WWC2: variants seen among roughly 807,000 people sequenced by gnomAD.
WWC2 encodes WW and C2 domain containing 2.
In WWC2, 101 loss-of-function variants were observed where a neutral mutation model predicts 138.5. The ratio of observed to expected loss-of-function variants is 0.73; its 90% CI spans 0.62 to 0.86. WWC2 has a LOEUF of 0.86. Ranked by LOEUF, WWC2 falls within the 40% of genes least tolerant of loss-of-function variation. The pLI is 0.00. For missense variants in WWC2, 1,420 were observed against 1,419.4 expected (o/e 1.00, Z -0.01); for synonymous variants, 558 against 538.4 (o/e 1.04, Z -0.50).
At chr4:183,112,338 G>A (rs1358104176) in intron 1 of WWC2, among the ~76,000 whole-genome samples, 2 of 152,230 alleles carry the variant, frequency 1.3e-5, no homozygotes, top group African/African-American at 4.8e-5. Context: ...AGTTATTTGA[G>A]AATAGAGACC....
intron 14 of WWC2, 99 bp from the exon 15 acceptor site, chr4:183,268,872 T>C: frequency 1.6e-6 from 2 of 1,241,954 alleles, no homozygotes; most frequent in South Asian, 2.8e-5. Flanking sequence ...AACTCCACGA[T>C]CCCTCATTTT....
chr4:183,303,504 C>T (rs541497852), intron 21 of WWC2, among the ~76,000 whole-genome samples: 4 of 152,264 alleles, frequency 2.6e-5, no homozygotes, highest in South Asian at 2.1e-4. Context: ...ACAGAGTCAT[C>T]GTGGCCCTTT....
At chr4:183,252,267 A>C (rs1737001534) in intron 8 of WWC2, among the ~76,000 whole-genome samples, 2 of 152,254 alleles carry the variant, frequency 1.3e-5, no homozygotes, top group Non-Finnish European at 2.9e-5. Flanking sequence ...AACAATATCC[A>C]AAGTAATCAT....
In WWC2 at chr4:183,265,700, G is replaced by A. The variant is rs142151180; in HGVS notation, c.2052G>A (p.Met684Ile). 1 of 1,610,832 alleles carries A rather than the reference G, an allele frequency of 6.2e-7. No individual in the cohort carries two copies. The highest frequency in any genetic ancestry group is 1.1e-5 in the South Asian group (1 of 90,008). Residue 684 changes from methionine to isoleucine, a missense_variant, in exon 13 of 23, where the codon ATG becomes ATA. By Grantham distance (10) the Met-to-Ile change is conservative. Transcript: ENST00000403733. ...YEAFVKQPSE[M>I]EDVTYSEEDV... ...CCTGTCCATATAGACCTAGTGAAAT[G>A]GAAGATGTCACATACAGTGAAGAGG...
intron 1 of WWC2, among the ~76,000 whole-genome samples, chr4:183,150,004 A>G (rs895639806): frequency 3.3e-5 from 5 of 152,244 alleles, no homozygotes; most frequent in African/African-American, 9.6e-5. Context: ...TTTACTAGCT[A>G]TGGGGTTCTC....
At chr4:183,155,920 C>T (rs1443886722) in intron 1 of WWC2, among the ~76,000 whole-genome samples, 1 of 152,176 alleles carries the variant, frequency 6.6e-6, no homozygotes, top group Non-Finnish European at 1.5e-5. Context: ...CTGATTACTT[C>T]ACAAGTTTAT....
In WWC2 at chr4:183,208,036, G is replaced by T. The variant is rs755503054; in HGVS notation, c.325G>T (p.Asp109Tyr). The T allele has an allele frequency of 6.2e-7, 1 of 1,613,864 alleles. No individual in the cohort carries two copies. Among genetic ancestry groups the T allele is most frequent in the Non-Finnish European group, 8.5e-7 (1 of 1,179,794 alleles). Residue 109 changes from aspartate to tyrosine, a missense_variant, in exon 3 of 23, where the codon GAT becomes TAT. By Grantham distance (160) the Asp-to-Tyr change is radical. Transcript: ENST00000403733. Reference sequence around the variant, plus strand: ...CAAGGACTACCTCTCTGTGGCACAGGATGCCCTCCGGACACAGAAGGAACT... The same window carrying T: ...CAAGGACTACCTCTCTGTGGCACAGTATGCCCTCCGGACACAGAAGGAACT... ...MLKDYLSVAQ[D>Y]ALRTQKELYH...
intron 1 of WWC2, among the ~76,000 whole-genome samples, chr4:183,177,859 G>A (rs1734508724): frequency 6.6e-6 from 1 of 151,960 alleles, no homozygotes; most frequent in South Asian, 2.1e-4. Flanking sequence ...TAATTGTCTA[G>A]TAATCTGGCC....
At chr4:183,260,883 T>G in intron 10 of WWC2, 27 bp from the exon 11 acceptor site, 1 of 1,609,126 alleles carries the variant, frequency 6.2e-7, no homozygotes, top group East Asian at 2.2e-5. Context: ...GTAACAGATT[T>G]TATGGTGTGT....
At chr4:183,197,809 T>C (rs1307772583) in intron 2 of WWC2, among the ~76,000 whole-genome samples, 1 of 152,214 alleles carries the variant, frequency 6.6e-6, no homozygotes, top group East Asian at 1.9e-4. Flanking sequence ...GTATTTTGGG[T>C]GGACTTTGAC....
intron 4 of WWC2, among the ~76,000 whole-genome samples, chr4:183,239,526 T>C (rs886200914): frequency 6.6e-6 from 1 of 152,156 alleles, no homozygotes; most frequent in African/African-American, 2.4e-5. Flanking sequence ...CAACAAATAT[T>C]TATTGATCAT....
intron 1 of WWC2, among the ~76,000 whole-genome samples, chr4:183,155,222 G>GAGAGAGTGAGTT (rs1554067869): frequency 3.8e-3 from 9 of 2,374 alleles, no homozygotes; most frequent in African/African-American, 4.3e-3. Context: ...GAGAGAGAGA[G>GAGAGAGTGAGTT]AGTTAGTTGA....
chr4:183,151,191 C>A (rs1733626685), intron 1 of WWC2, among the ~76,000 whole-genome samples: 1 of 152,172 alleles, frequency 6.6e-6, no homozygotes, highest in African/African-American at 2.4e-5. Flanking sequence ...CACATCCTCT[C>A]CAGCACCTGT....
intron 11 of WWC2, among the ~76,000 whole-genome samples, chr4:183,264,089 G>T (rs558031678): frequency 6.6e-6 from 1 of 152,268 alleles, no homozygotes; most frequent in East Asian, 1.9e-4. Context: ...CACAAAGGGG[G>T]GTGGGCGGAG....
chr4:183,313,200 A>C (rs993291833), intron 22 of WWC2, among the ~76,000 whole-genome samples: 20 of 152,324 alleles, frequency 1.3e-4, no homozygotes, highest in African/African-American at 4.8e-4. Context: ...GGGAGTTGCC[A>C]GCTGGTGAGC....
chr4:183,307,130 C>A (rs527346601), intron 21 of WWC2, among the ~76,000 whole-genome samples: 1 of 152,302 alleles, frequency 6.6e-6, no homozygotes, highest in South Asian at 2.1e-4. Flanking sequence ...TACATATTTA[C>A]ACTGTCTGTT....
At chr4:183,290,813 TG>T (rs750133427) in intron 21 of WWC2, among the ~76,000 whole-genome samples, 1 of 152,250 alleles carries the variant, frequency 6.6e-6, no homozygotes, top group Non-Finnish European at 1.5e-5. Flanking sequence ...ATCTTGTCTA[TG>T]ATATAAACTG....
intron 4 of WWC2, among the ~76,000 whole-genome samples, chr4:183,212,047 A>C (rs1735612665): frequency 6.6e-6 from 1 of 151,882 alleles, no homozygotes; most frequent in African/African-American, 2.4e-5. Context: ...GGTTTCGAAC[A>C]CCTGACCTCA....
chr4:183,099,727 G>C lies in WWC2; in HGVS notation c.131+105G>C, dbSNP rs899355681. 1.6e-4 allele frequency: 175 copies of C among 1,095,936 alleles called. 1 individual carries two copies. In the East Asian group the frequency reaches 7.9e-3, roughly 49 times the overall value. 67.9% of individuals were successfully genotyped at this position (1,095,936 alleles called of 1,614,324 possible). On this transcript the variant is annotated intron_variant, in intron 1 of 22. Transcript: ENST00000403733. ...GGGCGGCGCCGGCCCGCGGTGCCCCGAGGGGTCCCGGGAGGGATGTGGGGC... is the reference window on the plus strand; with the variant it reads ...GGGCGGCGCCGGCCCGCGGTGCCCCCAGGGGTCCCGGGAGGGATGTGGGGC...
Sources: gnomAD v4.1 joint callset for allele counts (sites outside exome capture counted in the v4.1 genomes callset) on GRCh38, gnomAD v4.1.1 for gene constraint, MANE v1.5 for transcripts, NCBI Gene and HGNC (gene_info 2026-07-23, HGNC 2026-07-21) for gene names.